Variants in ANO9 observed in about 807,000 individuals in gnomAD.
ANO9 encodes the protein anoctamin 9, also known as anoctamin-9.
In ANO9, 80 loss-of-function variants were observed where a neutral mutation model predicts 100.5. The observed-to-expected ratio is 0.80, with a 90% CI of 0.66 to 0.96. The LOEUF (loss-of-function observed/expected upper bound fraction) is 0.96, where lower values mean the gene tolerates loss of function less well. Ranked by LOEUF, ANO9 falls within the 40% of genes least tolerant of loss-of-function variation. The probability of loss-of-function intolerance (pLI) is 0.00; values close to 1 mark genes in which losing one functional copy is unlikely to be tolerated. For missense variants in ANO9, 1,064 were observed against 1,072.7 expected (o/e 0.99, Z 0.11); for synonymous variants, 473 against 435.6 (o/e 1.09, Z -1.07).
intron 1 of ANO9, among the ~76,000 whole-genome samples, chr11:440,866 C>T (rs1053911724): frequency 1.3e-5 from 2 of 152,182 alleles, no homozygotes; most frequent in Non-Finnish European, 2.9e-5. Context: ...CCGGAGTAGC[C>T]GGGACCACAG....
At chr11:437,088 T>A (rs7482356) in intron 1 of ANO9, among the ~76,000 whole-genome samples, 1 of 129,592 alleles carries the variant, frequency 7.7e-6, no homozygotes, top group African/African-American at 2.9e-5. Flanking sequence ...CTGGGCTCCA[T>A]GTCCCATCAG....
At chr11:425,616 A>C (rs1421890697) in intron 15 of ANO9, among the ~76,000 whole-genome samples, 1 of 151,784 alleles carries the variant, frequency 6.6e-6, no homozygotes, top group Non-Finnish European at 1.5e-5. Context: ...CCTAACAAAA[A>C]TGCTCCGATA....
intron 4 of ANO9, 82 bp downstream of exon 4, chr11:433,232 G>C (rs1455375926): frequency 1.3e-6 from 2 of 1,523,290 alleles, no homozygotes; most frequent in Non-Finnish European, 1.8e-6. Flanking sequence ...CTGGAGCCTG[G>C]CACTGTCTCC....
chr11:420,409 C>A, intron 19 of ANO9, 54 bp downstream of exon 19: 1 of 1,585,500 alleles, frequency 6.3e-7, no homozygotes, highest in African/African-American at 1.3e-5. Context: ...AGCGGGAAGC[C>A]CACAGGCCTG....
Position 421,168 on chromosome 11 carries a change from G to A in ANO9, c.1365C>T (p.Arg455=). 1 of 1,565,170 alleles carries A rather than the reference G, an allele frequency of 6.4e-7. No individual in the cohort carries two copies. The part of the protein sequence containing the change: ...RINGHPGKST[R]LAGLWKLEEC... ...CTTCCAGCTTCCACAAGCCCGCCAGGCGCGTGGACTTCCCGGGGTGGCCGT... is the reference window on the plus strand; with the variant it reads ...CTTCCAGCTTCCACAAGCCCGCCAGACGCGTGGACTTCCCGGGGTGGCCGT... The change falls in exon 16 of 23, where the codon CGC becomes CGT. Residue 455 remains arginine (R), a synonymous_variant. Transcript: ENST00000332826. The surrounding 1 kb of genome is among the most constrained non-coding windows in gnomAD (Gnocchi z 6.8).
intron 11 of ANO9, among the ~76,000 whole-genome samples, chr11:429,151 T>G (rs1283811331): frequency 4.3e-5 from 5 of 116,196 alleles, no homozygotes; most frequent in Admixed American, 2.8e-4. Context: ...CACGGGACAC[T>G]CACCCCACAC....
chr11:429,933 G>C, intron 9 of ANO9, 115 bp from the exon 10 acceptor site: 1 of 1,204,258 alleles, frequency 8.3e-7, no homozygotes, highest in African/African-American at 1.5e-5. Context: ...TGAGGAAATG[G>C]GCGGGTGGGC....
intron 11 of ANO9, 112 bp from the exon 12 acceptor site, chr11:428,938 C>A: frequency 1.0e-6 from 1 of 985,088 alleles, no homozygotes; most frequent in Non-Finnish European, 1.5e-6. Context: ...TCACCCCACA[C>A]ATGGGGAGAC....
intron 1 of ANO9, among the ~76,000 whole-genome samples, chr11:441,363 A>G (rs1845856556): frequency 6.6e-6 from 1 of 151,902 alleles, no homozygotes; most frequent in African/African-American, 2.4e-5. Context: ...AGCAGCAGTC[A>G]GCGCCCACCC....
chr11:426,098 G>A (rs1006475943), intron 15 of ANO9, among the ~76,000 whole-genome samples: 1 of 152,148 alleles, frequency 6.6e-6, no homozygotes. Context: ...GCTCAAGATG[G>A]AACATATAGT....
At chr11:437,409 A>C (rs148956034) in intron 1 of ANO9, among the ~76,000 whole-genome samples, 1,765 of 146,218 alleles carry the variant, frequency 0.012, 35 homozygotes, top group African/African-American at 0.043. Flanking sequence ...TGCGGGGGGA[A>C]GTTCTTGCCC....
intron 1 of ANO9, among the ~76,000 whole-genome samples, chr11:436,141 C>T (rs763997174): frequency 7.0e-6 from 1 of 142,106 alleles, no homozygotes; most frequent in Non-Finnish European, 1.5e-5. Flanking sequence ...AATCTCAGCT[C>T]ACTGTAACCT....
intron 19 of ANO9, 113 bp from the exon 20 acceptor site, chr11:419,842 C>G: frequency 6.7e-7 from 1 of 1,495,526 alleles, no homozygotes; most frequent in Non-Finnish European, 8.9e-7. Context: ...GTGGTGTCCC[C>G]TTGCAGCCCT....
At position 429,808 on chromosome 11, in the gene ANO9, A is replaced by T; in HGVS notation, c.782T>A (p.Leu261His). 1 of 1,592,268 alleles carries T rather than the reference A, an allele frequency of 6.3e-7. No individual in the cohort carries two copies. Among genetic ancestry groups the T allele is most frequent in the Non-Finnish European group, 8.6e-7 (1 of 1,167,346 alleles). Residue 261 changes from leucine to histidine, a missense_variant, in exon 10 of 23, where the codon CTC (leucine) becomes CAC (histidine). By Grantham distance (99) the Leu-to-His change is moderately conservative. Coordinates refer to ENST00000332826, the MANE Select transcript of ANO9 (RefSeq NM_001012302.3). ...CACCACCGTGCCATCATTGTCAAAG[A>T]GGTGGGTGAGCTGGGGGGGTGATAG... is the stretch of plus-strand genomic sequence containing the variant. ...ETCTFAKLTH[L>H]FDNDGTVVFA...
chr11:431,794 C>G (rs757327207), intron 6 of ANO9, 27 bp from the exon 7 acceptor site: 1 of 1,612,066 alleles, frequency 6.2e-7, no homozygotes, highest in Non-Finnish European at 8.5e-7. Flanking sequence ...AGAGTGAGAG[C>G]CCCCATCCCA....
At chr11:429,506 G>T in intron 11 of ANO9, 64 bp downstream of exon 11, 7 of 1,592,664 alleles carry the variant, frequency 4.4e-6, no homozygotes, top group Non-Finnish European at 6.0e-6. Context: ...GGGCCGTGCA[G>T]GGCATCGGGC....
At position 420,946 on chromosome 11, in the gene ANO9, GGA is replaced by G; in HGVS notation, c.1487_1488del (p.Val496AlafsTer126). 6.2e-7 allele frequency: 1 copy of G among 1,604,030 alleles called. No homozygotes were observed. The highest frequency in any genetic ancestry group is 8.5e-7 in the Non-Finnish European group (1 of 1,174,384). On this transcript the variant is annotated frameshift_variant and splice_region_variant, in exon 17 of 23. Transcript: ENST00000332826. LOFTEE classifies it high-confidence loss of function. ...GGCTGGGCGGGGGTCGGCACTCACG[GGA>G]CCAGGTACTCGACGCAGTTGCTGAG... Reference protein sequence around the residue: ...QTLSNCVEYLVPWVTHKCRSL... With the variant: ...QTLSNCVEYLXPWVTHKCRSL...
intron 1 of ANO9, 64 bp from the exon 2 acceptor site, chr11:434,162 G>T: frequency 3.9e-6 from 6 of 1,522,528 alleles, no homozygotes; most frequent in Non-Finnish European, 5.3e-6. Context: ...GCCCCTCATT[G>T]GCGGGTCCCT....
intron 1 of ANO9, among the ~76,000 whole-genome samples, chr11:441,366 G>A (rs371761508): frequency 7.6e-4 from 116 of 152,086 alleles, no homozygotes; most frequent in African/African-American, 2.7e-3. Flanking sequence ...AGCAGTCAGC[G>A]CCCACCCCCA....
Sources: allele counts gnomAD v4.1 joint callset (sites outside exome capture counted in the v4.1 genomes callset), GRCh38; gene constraint gnomAD v4.1.1; non-coding constraint Gnocchi (gnomAD v3.1); transcripts MANE v1.5; gene names NCBI Gene and HGNC (gene_info 2026-07-23, HGNC 2026-07-21).